TSPAN5: variants seen among roughly 807,000 people sequenced by gnomAD.
The protein encoded by TSPAN5 is tetraspanin 5.
In TSPAN5, 10 loss-of-function variants were observed where a neutral mutation model predicts 37.1. The observed-to-expected ratio is 0.27, with a 90% CI of 0.17 to 0.46. The LOEUF (loss-of-function observed/expected upper bound fraction) is 0.46, where lower values mean the gene tolerates loss of function less well. Among genes scored for constraint, TSPAN5 ranks in the 20% least tolerant of loss-of-function variants. The pLI is 1.00. For missense variants in TSPAN5, 195 were observed against 326.6 expected, an observed-to-expected ratio of 0.60 and a Z score of 3.11; for synonymous variants, 110 against 118.9, an observed-to-expected ratio of 0.93 and a Z score of 0.48.
chr4:98,599,368 A>C (rs553354844), intron 1 of TSPAN5, among the ~76,000 whole-genome samples: 1 of 152,302 alleles, frequency 6.6e-6, no homozygotes, highest in African/African-American at 2.4e-5. Context: ...ACAAGGTCAT[A>C]ATCAGCAGTA....
intron 1 of TSPAN5, among the ~76,000 whole-genome samples, chr4:98,556,864 T>C (rs560151227): frequency 1.3e-5 from 2 of 152,330 alleles, no homozygotes; most frequent in East Asian, 3.9e-4. Flanking sequence ...AATAGACTTC[T>C]ATATTTTGAA....
At chr4:98,607,736 G>A (rs142935503) in intron 1 of TSPAN5, among the ~76,000 whole-genome samples, 3,038 of 149,216 alleles carry the variant, frequency 0.02, 100 homozygotes, top group African/African-American at 0.071. Context: ...TTGAGATGGA[G>A]TCTCACTCTT....
chr4:98,480,564 G>A (rs1040555879), intron 4 of TSPAN5, among the ~76,000 whole-genome samples: 10 of 152,080 alleles, frequency 6.6e-5, no homozygotes, highest in Admixed American at 3.3e-4. Context: ...AAGACCTTCC[G>A]GACCAACAGC....
At chr4:98,478,848 G>T in intron 4 of TSPAN5, 38 bp from the exon 5 acceptor site, 1 of 1,606,582 alleles carries the variant, frequency 6.2e-7, no homozygotes, top group Non-Finnish European at 8.5e-7. Context: ...ATCCCAACTT[G>T]GAGGCAAGCA....
intron 1 of TSPAN5, among the ~76,000 whole-genome samples, chr4:98,599,244 G>C (rs2110218052): frequency 6.6e-6 from 1 of 152,074 alleles, no homozygotes; most frequent in East Asian, 1.9e-4. Flanking sequence ...GGGCTCAAGG[G>C]ACCCTCCTGC....
intron 1 of TSPAN5, among the ~76,000 whole-genome samples, chr4:98,621,242 A>G (rs1339044565): frequency 6.6e-6 from 1 of 152,044 alleles, no homozygotes; most frequent in Admixed American, 6.5e-5. Flanking sequence ...GTAGAAACCA[A>G]CCCTGTGACA....
At chr4:98,618,077 A>G (rs1756379794) in intron 1 of TSPAN5, among the ~76,000 whole-genome samples, 2 of 152,236 alleles carry the variant, frequency 1.3e-5, no homozygotes, top group Admixed American at 6.5e-5. Context: ...CCTGTCCGGA[A>G]AGGGAAGAAC....
intron 2 of TSPAN5, among the ~76,000 whole-genome samples, chr4:98,495,430 C>T (rs1753180978): frequency 6.6e-6 from 1 of 151,288 alleles, no homozygotes; most frequent in South Asian, 2.1e-4. Context: ...GAGGCTGAGG[C>T]AGGAGAATGG....
chr4:98,532,950 G>A (rs1754131397), intron 1 of TSPAN5, among the ~76,000 whole-genome samples: 1 of 152,190 alleles, frequency 6.6e-6, no homozygotes, highest in Non-Finnish European at 1.5e-5. Context: ...AGATAATCAT[G>A]CGGTTTTTGT....
intron 2 of TSPAN5, among the ~76,000 whole-genome samples, chr4:98,504,601 G>T (rs889229988): frequency 2.0e-5 from 3 of 152,198 alleles, no homozygotes; most frequent in African/African-American, 7.2e-5. Context: ...CCAGGGGAGG[G>T]AGCCATGTCT....
intron 1 of TSPAN5, among the ~76,000 whole-genome samples, chr4:98,540,693 G>A (rs1314325189): frequency 6.6e-6 from 1 of 152,118 alleles, no homozygotes; most frequent in East Asian, 1.9e-4. Flanking sequence ...CACAGGCTTC[G>A]TGGGGATGCT....
chr4:98,490,296 C>A (rs1486466995), intron 2 of TSPAN5, among the ~76,000 whole-genome samples: 2 of 152,092 alleles, frequency 1.3e-5, no homozygotes, highest in Non-Finnish European at 2.9e-5. Context: ...GCAAAATAAT[C>A]CCTCCCCCAA....
At chr4:98,529,279 T>C (rs1754027953) in intron 1 of TSPAN5, among the ~76,000 whole-genome samples, 1 of 152,254 alleles carries the variant, frequency 6.6e-6, no homozygotes, top group Non-Finnish European at 1.5e-5. Context: ...CTCATTCAAC[T>C]AAAGCATGTG....
At chr4:98,512,157 G>A (rs1753622103) in intron 1 of TSPAN5, among the ~76,000 whole-genome samples, 1 of 152,010 alleles carries the variant, frequency 6.6e-6, no homozygotes, top group African/African-American at 2.4e-5. Flanking sequence ...AGGTTGCAGT[G>A]AGCTGAGATC....
chr4:98,620,242 G>A (rs1449362419), intron 1 of TSPAN5, among the ~76,000 whole-genome samples: 1 of 152,164 alleles, frequency 6.6e-6, no homozygotes, highest in Non-Finnish European at 1.5e-5. Context: ...TACCCTGTGA[G>A]AAGTCTGACC....
intron 1 of TSPAN5, among the ~76,000 whole-genome samples, chr4:98,625,432 C>T (rs2110254779): frequency 6.6e-6 from 1 of 152,246 alleles, no homozygotes; most frequent in Admixed American, 6.5e-5. Flanking sequence ...AAGATTTTAC[C>T]CAGTTAATCA....
intron 1 of TSPAN5, among the ~76,000 whole-genome samples, chr4:98,632,515 G>A (rs371573098): frequency 5.3e-5 from 8 of 152,200 alleles, no homozygotes; most frequent in African/African-American, 1.9e-4. Context: ...AAATTACATG[G>A]GGACTTCAGG....
rs763648729 is a variant in TSPAN5, at chr4:98,472,534, C to T, written c.795G>A (p.Arg265=). Residue 265 remains arginine, a synonymous_variant, in exon 8 of 8, where the codon AGG becomes AGA. Coordinates refer to ENST00000305798, the MANE Select transcript of TSPAN5 (RefSeq NM_005723.4). ...GGTTGCAGGGGGTCTACCAGCTCGC[C>T]CTGACAGCTTCGATATCGCTAACCA... is the stretch of plus-strand genomic sequence containing the variant. ...QNLVSDIEAV[R]ASW 22 of 1,613,920 alleles carry T rather than the reference C, an allele frequency of 1.4e-5. No individual in the cohort carries two copies. The highest frequency in any genetic ancestry group is 1.8e-5 in the Non-Finnish European group (21 of 1,179,970).
At chr4:98,555,926 T>C (rs1187877324) in intron 1 of TSPAN5, among the ~76,000 whole-genome samples, 5 of 151,976 alleles carry the variant, frequency 3.3e-5, no homozygotes, top group Non-Finnish European at 5.9e-5. Context: ...ACTAATTCAT[T>C]CTTTTCTCCT....
Sources: gnomAD v4.1 joint callset for allele counts (sites outside exome capture counted in the v4.1 genomes callset) on GRCh38, gnomAD v4.1.1 for gene constraint, MANE v1.5 for transcripts, NCBI Gene and HGNC (gene_info 2026-07-23, HGNC 2026-07-21) for gene names.